TBCE: variants seen among roughly 807,000 people sequenced by gnomAD.
The protein encoded by TBCE is tubulin-specific chaperone E.
TBCE carries 53 observed loss-of-function variants against 77.0 expected under a neutral mutation model. The ratio of observed to expected loss-of-function variants is 0.69; its 90% CI spans 0.55 to 0.87. The LOEUF (loss-of-function observed/expected upper bound fraction) is 0.87. Ranked by LOEUF, TBCE falls within the 40% of genes least tolerant of loss-of-function variation. TBCE has a pLI of 0.00. For missense variants in TBCE, 624 were observed against 622.4 expected, an observed-to-expected ratio of 1.00 and a Z score of -0.03; for synonymous variants, 235 against 241.3, an observed-to-expected ratio of 0.97 and a Z score of 0.24.
intron 7 of TBCE, among the ~76,000 whole-genome samples, chr1:235,432,047 G>GCA (rs1268686642): frequency 4.0e-5 from 6 of 149,624 alleles, no homozygotes; most frequent in South Asian, 2.1e-4. Context: ...GCAGTGGCAT[G>GCA]ATCTCGGCTC....
At chr1:235,388,723 C>G (rs1374637121) in intron 2 of TBCE, among the ~76,000 whole-genome samples, 1 of 152,182 alleles carries the variant, frequency 6.6e-6, no homozygotes, top group Non-Finnish European at 1.5e-5. Context: ...GCAGACTTAG[C>G]TAGAGATTTA....
At chr1:235,443,001 C>A in intron 15 of TBCE, 90 bp downstream of exon 15, 1 of 1,287,610 alleles carries the variant, frequency 7.8e-7, no homozygotes, top group Non-Finnish European at 1.1e-6. Flanking sequence ...ACTCATGTCT[C>A]AAAGTGTGGA....
intron 1 of TBCE, among the ~76,000 whole-genome samples, chr1:235,369,700 G>T (rs1444729147): frequency 1.3e-5 from 2 of 151,742 alleles, no homozygotes; most frequent in African/African-American, 4.8e-5. Context: ...GGTGGTGTGT[G>T]TCTGCAATCC....
At chr1:235,377,471 G>T (rs932431844) in intron 1 of TBCE, among the ~76,000 whole-genome samples, 2 of 151,884 alleles carry the variant, frequency 1.3e-5, no homozygotes, top group Admixed American at 1.3e-4. Flanking sequence ...GAGCCACCGC[G>T]CCCAGCCTAA....
intron 5 of TBCE, among the ~76,000 whole-genome samples, chr1:235,420,957 G>A (rs1359347224): frequency 6.6e-6 from 1 of 152,136 alleles, no homozygotes; most frequent in East Asian, 1.9e-4. Context: ...GAAAGACTCT[G>A]GTTCTGTTTC....
intron 2 of TBCE, among the ~76,000 whole-genome samples, chr1:235,393,245 A>G (rs951205223): frequency 2.6e-5 from 4 of 152,362 alleles, no homozygotes; most frequent in East Asian, 3.9e-4. Flanking sequence ...ATTTTAAAAA[A>G]TAGTATTTAA....
chr1:235,393,015 A>G (rs571850374), intron 2 of TBCE, among the ~76,000 whole-genome samples: 1 of 151,726 alleles, frequency 6.6e-6, no homozygotes, highest in Admixed American at 6.6e-5. Context: ...AAAAATTAAT[A>G]AAAAAAAATT....
intron 1 of TBCE, among the ~76,000 whole-genome samples, chr1:235,370,743 T>A (rs572798768): frequency 7.0e-6 from 1 of 142,458 alleles, no homozygotes; most frequent in African/African-American, 2.7e-5. Context: ...TCCTTGTCTT[T>A]TCTTTTTTTT....
At chr1:235,421,567 G>A (rs1410693172) in intron 5 of TBCE, among the ~76,000 whole-genome samples, 1 of 152,098 alleles carries the variant, frequency 6.6e-6, no homozygotes, top group Non-Finnish European at 1.5e-5. Flanking sequence ...AATTAGCCAG[G>A]CATGGTGGTG....
At position 235,440,033 on chromosome 1, in the gene TBCE, C is replaced by T. The variant is rs539810095; in HGVS notation, c.1270+1111C>T. On this transcript the variant is annotated intron_variant, in intron 13 of 16. Transcript: ENST00000642610. ...TCGCCCAGGCTGGAGTGCAGTGCCG[C>T]GATCTCCGCTCACTGCAAGCTCCGC... Among the ~76,000 whole-genome samples, 240 of 151,964 alleles carry T rather than the reference C, an allele frequency of 1.6e-3. 4 individuals are homozygous for T. The highest frequency in any genetic ancestry group is 2.5e-4 in the Non-Finnish European group (17 of 67,936).
chr1:235,370,849 C>T (rs1450715758), intron 1 of TBCE, among the ~76,000 whole-genome samples: 1 of 149,136 alleles, frequency 6.7e-6, no homozygotes, highest in East Asian at 2.0e-4. Flanking sequence ...TCAAGCGATT[C>T]TCCTGCCTCA....
intron 2 of TBCE, among the ~76,000 whole-genome samples, chr1:235,395,993 A>G (rs367700112): frequency 6.6e-6 from 1 of 152,082 alleles, no homozygotes; most frequent in Non-Finnish European, 1.5e-5. Context: ...GTTGCAAATG[A>G]CAGGATCTCA....
chr1:235,396,024 G>C (rs909880802), intron 2 of TBCE, among the ~76,000 whole-genome samples: 8 of 151,874 alleles, frequency 5.3e-5, no homozygotes, highest in Non-Finnish European at 1.2e-4. Context: ...AGGCTGGATA[G>C]TATTTTATTG....
At chr1:235,372,914 A>G (rs979195363) in intron 1 of TBCE, among the ~76,000 whole-genome samples, 1 of 138,582 alleles carries the variant, frequency 7.2e-6, no homozygotes, top group Non-Finnish European at 1.5e-5. Context: ...ACAGAGTGAG[A>G]CTCCGTCTAA....
At chr1:235,386,816 G>A (rs1352361270) in intron 2 of TBCE, among the ~76,000 whole-genome samples, 1 of 151,768 alleles carries the variant, frequency 6.6e-6, no homozygotes, top group Middle Eastern at 3.2e-3. Flanking sequence ...GTCATTCTCT[G>A]TCCAGCTTTG....
intron 2 of TBCE, among the ~76,000 whole-genome samples, chr1:235,383,385 G>T (rs1415055870): frequency 2.0e-5 from 3 of 152,094 alleles, no homozygotes; most frequent in Non-Finnish European, 4.4e-5. Context: ...GGATGGCATT[G>T]AATCTGTAAA....
Position 235,434,200 on chromosome 1 carries a change from C to T in TBCE, c.661-4C>T. The T allele has an allele frequency of 1.2e-6, 2 of 1,614,084 alleles. No individual in the cohort carries two copies. Among genetic ancestry groups the T allele is most frequent in the Non-Finnish European group, 1.7e-6 (2 of 1,179,994 alleles). On this transcript the variant is annotated splice_polypyrimidine_tract_variant and splice_region_variant and intron_variant, in intron 7 of 16. Coordinates refer to ENST00000642610, the MANE Select transcript of TBCE (RefSeq NM_003193.5). ...CCTGAGCCTGAACCGAGTTTCTCTTCCAGGTGCTGCGGTGTGTCGCGGGGT... is the reference window on the plus strand; with the variant it reads ...CCTGAGCCTGAACCGAGTTTCTCTTTCAGGTGCTGCGGTGTGTCGCGGGGT...
In TBCE at chr1:235,433,064, A is replaced by G. The variant is rs779569513; in HGVS notation, c.661-1140A>G. 91 of 1,553,776 alleles carry G rather than the reference A, an allele frequency of 5.9e-5. No homozygotes were observed. Among genetic ancestry groups the G allele is most frequent in the Non-Finnish European group, 7.2e-5 (83 of 1,158,526 alleles). The stretch of plus-strand genomic sequence containing the variant: ...ACCAGCAACTGCATCATCAGTGCCA[A>G]GGACCACACATCCATGCGGATGAAC... On this transcript the variant is annotated intron_variant, in intron 7 of 16. Transcript: ENST00000642610.
chr1:235,437,095 C>T (rs943180681), intron 11 of TBCE, among the ~76,000 whole-genome samples: 6 of 152,160 alleles, frequency 3.9e-5, no homozygotes, highest in African/African-American at 1.4e-4. Flanking sequence ...CGCCGTTGCT[C>T]TCCAGCCTGG....
Sources: allele counts gnomAD v4.1 joint callset (sites outside exome capture counted in the v4.1 genomes callset), GRCh38; gene constraint gnomAD v4.1.1; transcripts MANE v1.5; gene names NCBI Gene and HGNC (gene_info 2026-07-23, HGNC 2026-07-21).